Variants in PRR5L observed in about 807,000 individuals in gnomAD.
PRR5L encodes the protein proline-rich protein 5-like.
Under a neutral mutation model 36.4 loss-of-function variants are expected in PRR5L, and 21 were observed. The observed-to-expected ratio is 0.58, with a 90% CI of 0.41 to 0.83. The LOEUF (loss-of-function observed/expected upper bound fraction) is 0.83. Ranked by LOEUF, PRR5L falls within the 40% of genes least tolerant of loss-of-function variation. The pLI, the probability that PRR5L is intolerant of heterozygous loss-of-function variation, is 0.00. For synonymous variants in PRR5L, 188 were observed against 197.0 expected (o/e 0.95, Z 0.38); for missense variants, 381 against 473.3 (o/e 0.80, Z 1.81).
chr11:36,347,384 G>T (rs1383343997), intron 1 of PRR5L, among the ~76,000 whole-genome samples: 1 of 152,156 alleles, frequency 6.6e-6, no homozygotes, highest in Non-Finnish European at 1.5e-5. Context: ...GTTGCTAAAA[G>T]CCTAACCTAG....
chr11:36,323,436 G>C (rs1213980161), intron 1 of PRR5L: 1 of 152,200 alleles, frequency 6.6e-6, no homozygotes, highest in Admixed American at 6.5e-5. Flanking sequence ...TCCTCTGTGT[G>C]TTGGTTCCTT....
At chr11:36,436,270 C>G (rs1429434702) in intron 5 of PRR5L, among the ~76,000 whole-genome samples, 1 of 152,174 alleles carries the variant, frequency 6.6e-6, no homozygotes, top group African/African-American at 2.4e-5. Context: ...CTTGGCTGAC[C>G]CAGTTTCTCT....
chr11:36,335,888 A>G (rs986453532), intron 1 of PRR5L, among the ~76,000 whole-genome samples: 3 of 152,170 alleles, frequency 2.0e-5, no homozygotes, highest in Non-Finnish European at 2.9e-5. Context: ...AGTGAATCCT[A>G]TTAGTGGGTT....
chr11:36,391,373 A>T (rs999153521), intron 1 of PRR5L, among the ~76,000 whole-genome samples: 2 of 152,308 alleles, frequency 1.3e-5, no homozygotes, highest in African/African-American at 4.8e-5. Context: ...GGCAGCTGTG[A>T]GGAGAAAGTG....
chr11:36,406,024 CCTTTGTT>C (rs950788452), intron 3 of PRR5L, among the ~76,000 whole-genome samples: 15 of 152,122 alleles, frequency 9.9e-5, no homozygotes, highest in Non-Finnish European at 2.1e-4. Context: ...CATAGCAACA[CCTTTGTT>C]CTTTGCACTA....
intron 1 of PRR5L, among the ~76,000 whole-genome samples, chr11:36,356,633 T>C (rs1857030775): frequency 6.6e-6 from 1 of 152,214 alleles, no homozygotes; most frequent in African/African-American, 2.4e-5. Flanking sequence ...GCCAACTTTT[T>C]CATTATTATT....
At chr11:36,305,606 C>T (rs1360256565) in intron 1 of PRR5L, among the ~76,000 whole-genome samples, 2 of 152,112 alleles carry the variant, frequency 1.3e-5, no homozygotes, top group Admixed American at 1.3e-4. Flanking sequence ...AATGTGATGA[C>T]GTTTTGGAAG....
At chr11:36,409,976 A>T (rs1331526643) in intron 3 of PRR5L, among the ~76,000 whole-genome samples, 1 of 152,190 alleles carries the variant, frequency 6.6e-6, no homozygotes, top group African/African-American at 2.4e-5. Context: ...TTTGGGCTTG[A>T]TGTACCTGGA....
intron 2 of PRR5L, 28 bp from the exon 3 acceptor site, chr11:36,403,270 A>C: frequency 6.2e-7 from 1 of 1,604,102 alleles, no homozygotes; most frequent in Non-Finnish European, 8.5e-7. Flanking sequence ...GAGATTCTCT[A>C]ACCAGGGGTT....
intron 3 of PRR5L, among the ~76,000 whole-genome samples, chr11:36,414,372 C>G (rs1266589887): frequency 2.7e-5 from 4 of 148,806 alleles, no homozygotes; most frequent in African/African-American, 1.0e-4. Context: ...CTCTCCAGCA[C>G]CTGTTGTTTC....
At chr11:36,370,547 C>G (rs1351936739) in intron 1 of PRR5L, among the ~76,000 whole-genome samples, 1 of 152,178 alleles carries the variant, frequency 6.6e-6, no homozygotes, top group Non-Finnish European at 1.5e-5. Context: ...GACCAAATGA[C>G]TGACTTAGGA....
chr11:36,378,435 A>G (rs570981659), intron 1 of PRR5L, among the ~76,000 whole-genome samples: 1 of 152,176 alleles, frequency 6.6e-6, no homozygotes, highest in Non-Finnish European at 1.5e-5. Flanking sequence ...AGTTGTCTTC[A>G]GTTTTTCCAA....
At chr11:36,328,128 A>T (rs895750322) in intron 1 of PRR5L, among the ~76,000 whole-genome samples, 3 of 152,232 alleles carry the variant, frequency 2.0e-5, no homozygotes, top group Non-Finnish European at 4.4e-5. Flanking sequence ...TCACAGAAAA[A>T]TGTGACTTTA....
intron 1 of PRR5L, among the ~76,000 whole-genome samples, chr11:36,312,433 C>A (rs1382673762): frequency 6.6e-6 from 1 of 152,240 alleles, no homozygotes; most frequent in Non-Finnish European, 1.5e-5. Flanking sequence ...GTCTACATTT[C>A]ACTCAGCAGG....
chr11:36,319,875 ATTG>A (rs2133462757), intron 1 of PRR5L, among the ~76,000 whole-genome samples: 1 of 152,270 alleles, frequency 6.6e-6, no homozygotes, highest in African/African-American at 2.4e-5. Flanking sequence ...AGAAATTTCA[ATTG>A]TTGTGACTGA....
intron 1 of PRR5L, among the ~76,000 whole-genome samples, chr11:36,334,917 C>T (rs1454511799): frequency 8.1e-6 from 1 of 123,914 alleles, no homozygotes; most frequent in Non-Finnish European, 1.6e-5. Flanking sequence ...TTCCACTGAG[C>T]TCTGACTGCA....
At chr11:36,369,526 C>G (rs1045860874) in intron 1 of PRR5L, among the ~76,000 whole-genome samples, 4 of 152,080 alleles carry the variant, frequency 2.6e-5, no homozygotes, top group Non-Finnish European at 2.9e-5. Flanking sequence ...CAGATGCCCC[C>G]CAAAGGCATC....
chr11:36,419,147 C>G, intron 3 of PRR5L, 108 bp from the exon 4 acceptor site: 2 of 953,656 alleles, frequency 2.1e-6, no homozygotes, highest in South Asian at 1.3e-5. Flanking sequence ...AAAGTGCCCT[C>G]AAGATCTCAG....
In PRR5L at chr11:36,297,788, G is replaced by T. The variant is rs187991925; in HGVS notation, c.-126+1350G>T. The stretch of plus-strand genomic sequence containing the variant: ...TGGAGACTTTTCTCCCTCCTCCAGT[G>T]GGGCCTGCAGCTTGGAAAGGGGGTC... On this transcript the variant is annotated intron_variant, in intron 1 of 8. Coordinates refer to ENST00000530639, the MANE Select transcript of PRR5L (RefSeq NM_001160167.2). Among the ~76,000 whole-genome samples the T allele has an allele frequency of 3.9e-3, 593 of 152,284 alleles. 6 individuals are homozygous for T. Among genetic ancestry groups the T allele is most frequent in the Admixed American group, 0.012 (179 of 15,296 alleles).
Sources: allele counts gnomAD v4.1 joint callset (sites outside exome capture counted in the v4.1 genomes callset), GRCh38; gene constraint gnomAD v4.1.1; transcripts MANE v1.5; gene names NCBI Gene and HGNC (gene_info 2026-07-23, HGNC 2026-07-21).